EFR3B: variants seen among roughly 807,000 people sequenced by gnomAD.
EFR3B encodes protein EFR3 homolog B.
Under a neutral mutation model 104.7 loss-of-function variants are expected in EFR3B, and 64 were observed. The observed-to-expected ratio is 0.61, with a 90% CI of 0.50 to 0.75. The LOEUF is 0.75. Ranked by LOEUF, EFR3B falls within the 30% of genes least tolerant of loss-of-function variation. EFR3B has a pLI of 0.00. For synonymous variants in EFR3B, 385 were observed against 417.9 expected (o/e 0.92, Z 0.96); for missense variants, 750 against 1,078.5 (o/e 0.70, Z 4.27).
chr2:25,131,930 CCGGGG>C lies in EFR3B; in HGVS notation c.1147+31_1147+35del. Reference sequence around the variant, plus strand: ...ACCGTGGGTGCGGCGCGGGGCCGGGCCGGGGCGGGGCGGGGCCGAGGCGCGGAGTG... The same window carrying C: ...ACCGTGGGTGCGGCGCGGGGCCGGGCCGGGGCGGGGCCGAGGCGCGGAGTG... On this transcript the variant is annotated intron_variant, in intron 10 of 22. Coordinates refer to ENST00000403714, the MANE Select transcript of EFR3B (RefSeq NM_014971.2). This position sits in a 1 kb window ranked among gnomAD's most constrained non-coding sequence, Gnocchi z 7.6. The C allele has an allele frequency of 4.1e-6, 5 of 1,221,070 alleles. No homozygotes were observed. Among genetic ancestry groups the C allele is most frequent in the Non-Finnish European group, 5.3e-6 (5 of 950,198 alleles). The allele number at this position is 1,221,070 out of a possible 1,614,324, so 75.6% of individuals were successfully genotyped here.
chr2:25,125,073 A>G (rs927903748), intron 5 of EFR3B, among the ~76,000 whole-genome samples: 4 of 152,164 alleles, frequency 2.6e-5, no homozygotes, highest in Non-Finnish European at 5.9e-5. Context: ...ATAAATAAAT[A>G]AATGAATAGG....
chr2:25,116,359 C>A (rs979415525), intron 4 of EFR3B, among the ~76,000 whole-genome samples: 1 of 152,166 alleles, frequency 6.6e-6, no homozygotes, highest in Non-Finnish European at 1.5e-5. Context: ...TGCGGTGGCT[C>A]ATGCCTGTAA....
intron 1 of EFR3B, among the ~76,000 whole-genome samples, chr2:25,067,633 C>T (rs1358962070): frequency 1.3e-5 from 2 of 151,822 alleles, no homozygotes; most frequent in African/African-American, 4.8e-5. Context: ...CGGGGTTCAC[C>T]GTGTTAACCA....
At position 25,084,351 on chromosome 2, in the gene EFR3B, C is replaced by T. The variant is rs189486224; in HGVS notation, c.8-6974C>T. Among the ~76,000 whole-genome samples the T allele has an allele frequency of 4.5e-3, 679 of 152,058 alleles. 4 individuals are homozygous for T. Among genetic ancestry groups the T allele is most frequent in the African/African-American group, 0.016 (649 of 41,452 alleles). On this transcript the variant is annotated intron_variant, in intron 1 of 22. Transcript: ENST00000403714. ...TCCCAGATTCAAGCGATTCTTGTGC[C>T]TCCGCCTCCCGAATAGCTGGGATTA... is the stretch of plus-strand genomic sequence containing the variant.
chr2:25,138,983 G>T, intron 15 of EFR3B, 76 bp from the exon 16 acceptor site: 1 of 1,519,140 alleles, frequency 6.6e-7, no homozygotes, highest in Non-Finnish European at 8.9e-7. Flanking sequence ...AGATTGGGAA[G>T]AGGTCGGGTG....
At chr2:25,089,603 C>G (rs772283316) in intron 1 of EFR3B, among the ~76,000 whole-genome samples, 18 of 152,112 alleles carry the variant, frequency 1.2e-4, no homozygotes, top group Non-Finnish European at 2.5e-4. Flanking sequence ...TGGGCAGCTG[C>G]AGGTTTAAAC....
chr2:25,119,579 C>G (rs368218932), intron 4 of EFR3B, among the ~76,000 whole-genome samples: 1 of 152,258 alleles, frequency 6.6e-6, no homozygotes, highest in East Asian at 1.9e-4. Context: ...TGGATTACCA[C>G]TGTGCCTCTT....
chr2:25,104,009 A>G (rs1320223885), intron 4 of EFR3B, among the ~76,000 whole-genome samples: 1 of 151,360 alleles, frequency 6.6e-6, no homozygotes, highest in Non-Finnish European at 1.5e-5. Context: ...ATATAATAAA[A>G]TAATTTTTAA....
chr2:25,043,138 A>T (rs1056071756), intron 1 of EFR3B, among the ~76,000 whole-genome samples: 6 of 152,142 alleles, frequency 3.9e-5, no homozygotes, highest in Admixed American at 2.0e-4. Flanking sequence ...AGACCAGTCT[A>T]GGAATGGACT....
intron 1 of EFR3B, among the ~76,000 whole-genome samples, chr2:25,065,477 C>G (rs746595657): frequency 1.3e-5 from 2 of 151,688 alleles, no homozygotes; most frequent in Non-Finnish European, 2.9e-5. Flanking sequence ...AGGTGTCAGT[C>G]ACCATGCTCA....
At chr2:25,066,236 G>A (rs907804473) in intron 1 of EFR3B, among the ~76,000 whole-genome samples, 4 of 152,132 alleles carry the variant, frequency 2.6e-5, no homozygotes, top group African/African-American at 4.8e-5. Flanking sequence ...ATTCTTAGTG[G>A]CCTCCTGGGA....
intron 12 of EFR3B, 89 bp from the exon 13 acceptor site, chr2:25,135,378 A>G: frequency 1.0e-5 from 15 of 1,456,930 alleles, no homozygotes; most frequent in Non-Finnish European, 1.4e-5. Flanking sequence ...TGTACATCAG[A>G]CCTGACTTCC....
chr2:25,081,043 C>CA (rs1558593840), intron 1 of EFR3B: 8 of 745,330 alleles, frequency 1.1e-5, no homozygotes. Context: ...TTGACACCAC[C>CA]ATGTGAACTT....
chr2:25,075,596 T>TTA (rs1053862793), intron 1 of EFR3B, among the ~76,000 whole-genome samples: 1 of 152,204 alleles, frequency 6.6e-6, no homozygotes, highest in Non-Finnish European at 1.5e-5. Context: ...ATGATCCTGA[T>TTA]TATATGTTCC....
intron 17 of EFR3B, among the ~76,000 whole-genome samples, chr2:25,142,052 C>A (rs559404858): frequency 6.6e-6 from 1 of 152,142 alleles, no homozygotes; most frequent in Non-Finnish European, 1.5e-5. Context: ...GCAGGCCCAG[C>A]GACTCAGAAG....
chr2:25,058,762 G>A (rs1417180130), intron 1 of EFR3B, among the ~76,000 whole-genome samples: 3 of 114,736 alleles, frequency 2.6e-5, no homozygotes, highest in South Asian at 3.0e-4. Flanking sequence ...CTGTCTCCCC[G>A]CGCCCCCCCC....
At chr2:25,092,443 C>T (rs62143006) in intron 2 of EFR3B, among the ~76,000 whole-genome samples, 369 of 150,740 alleles carry the variant, frequency 2.4e-3, no homozygotes, top group East Asian at 0.016. Flanking sequence ...CACACACACA[C>T]GGTATATATA....
chr2:25,133,611 C>T (rs954091071), intron 12 of EFR3B, among the ~76,000 whole-genome samples, 177 bp downstream of exon 12: 2 of 152,222 alleles, frequency 1.3e-5, no homozygotes, highest in Non-Finnish European at 2.9e-5. Flanking sequence ...AGGCTGGGCA[C>T]CCACAGAGCT....
intron 1 of EFR3B, among the ~76,000 whole-genome samples, chr2:25,069,027 G>A (rs1428263927): frequency 6.7e-6 from 1 of 149,466 alleles, no homozygotes. Flanking sequence ...TCCGCCTCCC[G>A]GATTCAAGTG....
Sources: allele counts gnomAD v4.1 joint callset (sites outside exome capture counted in the v4.1 genomes callset), GRCh38; gene constraint gnomAD v4.1.1; non-coding constraint Gnocchi (gnomAD v3.1); transcripts MANE v1.5; gene names NCBI Gene and HGNC (gene_info 2026-07-23, HGNC 2026-07-21).